Variants in DCAF10 observed in about 807,000 individuals in gnomAD.
DCAF10 encodes the protein DDB1- and CUL4-associated factor 10.
Under a neutral mutation model 51.9 loss-of-function variants are expected in DCAF10, and 19 were observed. That is an observed-to-expected ratio of 0.37 (90% CI 0.26 to 0.54). The LOEUF (loss-of-function observed/expected upper bound fraction) is 0.54. DCAF10 is among the 20% of genes least tolerant of loss of function. DCAF10 has a pLI of 0.87. For missense variants in DCAF10, 510 were observed against 730.6 expected, an observed-to-expected ratio of 0.70 and a Z score of 3.48; for synonymous variants, 291 against 297.1, an observed-to-expected ratio of 0.98 and a Z score of 0.21.
chr9:37,822,651 G>GGA (rs1244050152), intron 2 of DCAF10, among the ~76,000 whole-genome samples: 1 of 151,940 alleles, frequency 6.6e-6, no homozygotes, highest in Non-Finnish European at 1.5e-5. Flanking sequence ...GGGAAGAGTG[G>GGA]GAGGTTGGGC....
chr9:37,837,711 T>C (rs1338446707), intron 2 of DCAF10, among the ~76,000 whole-genome samples: 1 of 152,142 alleles, frequency 6.6e-6, no homozygotes, highest in Non-Finnish European at 1.5e-5. Flanking sequence ...CAGGTCCATG[T>C]CTTTTGTGGT....
At chr9:37,827,203 G>A (rs1829879375) in intron 2 of DCAF10, among the ~76,000 whole-genome samples, 1 of 152,114 alleles carries the variant, frequency 6.6e-6, no homozygotes, top group South Asian at 2.1e-4. Context: ...TGCGTAAATG[G>A]GTAGGGGAGG....
In DCAF10 at chr9:37,860,106, C is replaced by T. The variant is rs1830969750; in HGVS notation, c.1224C>T (p.Asp408=). ...CCCCTGAAGTTCTTGGTGAGAGTGA[C>T]CACGGAAACTGCATCACGTCCTTAC... is the stretch of plus-strand genomic sequence containing the variant. The part of the protein sequence containing the change: ...VVTPEVLGES[D]HGNCITSLQL... Residue 408 remains aspartate (D), a synonymous_variant, in exon 6 of 7, where the codon GAC becomes GAT. Coordinates refer to ENST00000377724, the MANE Select transcript of DCAF10 (RefSeq NM_024345.5). The T allele has an allele frequency of 6.2e-7, 1 of 1,614,098 alleles. No individual in the cohort carries two copies. The highest frequency in any genetic ancestry group is 8.5e-7 in the Non-Finnish European group (1 of 1,180,010).
At position 37,801,550 on chromosome 9, in the gene DCAF10, T is replaced by C. The variant is rs1470940627; in HGVS notation, c.539+145T>C. ...CTGGCCTTCGTGCCTCCTGGCACTTTCTGAAGCGCATTCTCGCCCTTGGAA... is the reference window on the plus strand; with the variant it reads ...CTGGCCTTCGTGCCTCCTGGCACTTCCTGAAGCGCATTCTCGCCCTTGGAA... On this transcript the variant is annotated intron_variant, in intron 1 of 6. Coordinates refer to ENST00000377724, the MANE Select transcript of DCAF10 (RefSeq NM_024345.5). This position sits in a 1 kb window ranked among gnomAD's most constrained non-coding sequence, Gnocchi z 5.5. 9.6e-7 allele frequency: 1 copy of C among 1,041,656 alleles called. No homozygotes were observed. Among genetic ancestry groups the C allele is most frequent in the Admixed American group, 4.3e-5 (1 of 23,488 alleles). 64.5% of individuals were successfully genotyped at this position (1,041,656 alleles called of 1,614,324 possible).
intron 4 of DCAF10, among the ~76,000 whole-genome samples, chr9:37,855,737 C>T (rs776168111): frequency 1.2e-4 from 18 of 152,214 alleles, no homozygotes; most frequent in Middle Eastern, 3.4e-3. Flanking sequence ...GGGCCAGGTG[C>T]GGGGGCTCAC....
Position 37,861,393 on chromosome 9 carries a change from G to A in DCAF10, c.1565G>A (p.Arg522His), listed in dbSNP as rs1831012937. 6 of 1,614,150 alleles carry A rather than the reference G, an allele frequency of 3.7e-6. No homozygotes were observed. Among genetic ancestry groups the A allele is most frequent in the Non-Finnish European group, 5.1e-6 (6 of 1,180,036 alleles). Residue 522 changes from arginine to histidine, a missense_variant, in exon 7 of 7, where the codon CGT becomes CAT. Arg to His is a conservative substitution (Grantham distance 29, BLOSUM62 0). Around this residue, in one of 4 missense-constraint regions of DCAF10, gnomAD observed 104 missense variants for 206.2 expected, o/e 0.50. Coordinates refer to ENST00000377724, the MANE Select transcript of DCAF10 (RefSeq NM_024345.5). The surrounding 1 kb of genome is among the most constrained non-coding windows in gnomAD (Gnocchi z 4.9). ...PKEASPLRVI[R>H]SLYSHNDVVL... Reference sequence around the variant, plus strand: ...GAAGCCAGTCCCCTGCGGGTGATCCGTTCTCTGTACTCTCATAATGATGTG... The same window carrying A: ...GAAGCCAGTCCCCTGCGGGTGATCCATTCTCTGTACTCTCATAATGATGTG...
intron 2 of DCAF10, chr9:37,836,357 C>T: frequency 1.2e-6 from 2 of 1,610,710 alleles, no homozygotes; most frequent in South Asian, 1.1e-5. Context: ...AGGAGCCAAT[C>T]TGGGAAACAC....
rs879211476 is a variant in DCAF10 at position 37,860,200 on chromosome 9, G to A, written c.1311+7G>A. On this transcript the variant is annotated splice_region_variant and intron_variant, in intron 6 of 6. Coordinates refer to ENST00000377724, the MANE Select transcript of DCAF10 (RefSeq NM_024345.5). ...CAACAGTGATGATGAGGAGGTACAG[G>A]CAGCAGCACTCCACCTTCAACAGGG... 5.6e-6 allele frequency: 9 copies of A among 1,613,966 alleles called. No homozygotes were observed. In the South Asian group the frequency reaches 9.9e-5, roughly 18 times the overall value.
intron 1 of DCAF10, among the ~76,000 whole-genome samples, chr9:37,817,552 C>T (rs770972395): frequency 2.6e-5 from 4 of 151,692 alleles, no homozygotes; most frequent in Non-Finnish European, 5.9e-5. Context: ...GAACTGAGGT[C>T]GCGCCACCAC....
chr9:37,840,497 T>C (rs908197402), intron 2 of DCAF10, among the ~76,000 whole-genome samples: 3 of 152,154 alleles, frequency 2.0e-5, no homozygotes, highest in Admixed American at 2.0e-4. Flanking sequence ...AACATTTTAA[T>C]AGAAAAAAGT....
At chr9:37,823,579 G>A (rs1389424184) in intron 2 of DCAF10, among the ~76,000 whole-genome samples, 1 of 146,438 alleles carries the variant, frequency 6.8e-6, no homozygotes, top group Non-Finnish European at 1.5e-5. Flanking sequence ...TAAGAGAAAA[G>A]AATTTAGGAG....
chr9:37,803,764 G>C (rs933460200), intron 1 of DCAF10, among the ~76,000 whole-genome samples: 2 of 150,256 alleles, frequency 1.3e-5, no homozygotes, highest in African/African-American at 4.9e-5. Flanking sequence ...AGTTAAATAT[G>C]AGTTAAATCA....
At position 37,800,809 on chromosome 9, in the gene DCAF10, G is replaced by C; in HGVS notation, c.-58G>C. The C allele has an allele frequency of 1.3e-6, 2 of 1,500,254 alleles. No homozygotes were observed. The highest frequency in any genetic ancestry group is 1.8e-6 in the Non-Finnish European group (2 of 1,130,200). 92.9% of individuals were successfully genotyped at this position (1,500,254 alleles called of 1,614,324 possible). On this transcript the variant is annotated 5_prime_UTR_variant, in exon 1 of 7. Transcript: ENST00000377724. ...CGCCGGAAGTGGCAGCTGAACAGGG[G>C]CACTGAGGTGTCGGCCGGCGGGGCA...
chr9:37,807,336 GA>G (rs1442692453), intron 1 of DCAF10, among the ~76,000 whole-genome samples: 2 of 152,074 alleles, frequency 1.3e-5, no homozygotes, highest in Non-Finnish European at 2.9e-5. Flanking sequence ...TAAAAAGTGT[GA>G]TTTTTTTTAA....
At chr9:37,852,930 T>TTTTATATA (rs1486538659) in intron 3 of DCAF10, among the ~76,000 whole-genome samples, 12 of 109,828 alleles carry the variant, frequency 1.1e-4, no homozygotes, top group Non-Finnish European at 1.5e-4. Context: ...GTATGTGAGG[T>TTTTATATA]TATATATATA....
At chr9:37,852,243 CTAAA>C (rs1350045474) in intron 3 of DCAF10, among the ~76,000 whole-genome samples, 4 of 152,100 alleles carry the variant, frequency 2.6e-5, no homozygotes, top group Non-Finnish European at 4.4e-5. Flanking sequence ...GAAAATTATC[CTAAA>C]TATTCAGAAG....
intron 3 of DCAF10, among the ~76,000 whole-genome samples, chr9:37,850,893 A>C (rs1266883896): frequency 8.0e-6 from 1 of 124,436 alleles, no homozygotes; most frequent in African/African-American, 2.9e-5. Flanking sequence ...AATTAGCTTG[A>C]TTTAGCCATT....
chr9:37,858,053 T>C (rs189482734), intron 5 of DCAF10, among the ~76,000 whole-genome samples: 1 of 152,274 alleles, frequency 6.6e-6, no homozygotes, highest in Admixed American at 6.5e-5. Context: ...TTTTTGTCAT[T>C]TTGGGTCACT....
intron 1 of DCAF10, among the ~76,000 whole-genome samples, chr9:37,810,898 C>A (rs544876968): frequency 5.9e-5 from 9 of 152,074 alleles, no homozygotes; most frequent in Admixed American, 4.6e-4. Flanking sequence ...AAGGTGAATC[C>A]AGAATCGACA....
Sources: allele counts gnomAD v4.1 joint callset (sites outside exome capture counted in the v4.1 genomes callset), GRCh38; gene constraint gnomAD v4.1.1; regional missense constraint gnomAD v4.1.1; non-coding constraint Gnocchi (gnomAD v3.1); transcripts MANE v1.5; gene names NCBI Gene and HGNC (gene_info 2026-07-23, HGNC 2026-07-21).